LIPG: variants seen among roughly 807,000 people sequenced by gnomAD.
The protein encoded by LIPG is endothelial lipase.
LIPG carries 34 observed loss-of-function variants against 51.8 expected under a neutral mutation model. That is an observed-to-expected ratio of 0.66 (90% CI 0.50 to 0.87). LIPG has a LOEUF of 0.87. Among genes scored for constraint, LIPG ranks in the 40% least tolerant of loss-of-function variants. LIPG has a pLI of 0.00. For synonymous variants in LIPG, 246 were observed against 246.1 expected (o/e 1.00, Z 0.00); for missense variants, 580 against 652.7 (o/e 0.89, Z 1.21).
At chr18:49,571,177 A>C (rs2084658828) in intron 4 of LIPG, among the ~76,000 whole-genome samples, 1 of 152,204 alleles carries the variant, frequency 6.6e-6, no homozygotes, top group African/African-American at 2.4e-5. Flanking sequence ...GGTGCAAAGC[A>C]GTTTGACTGG....
In LIPG at chr18:49,575,543, A is replaced by C; in HGVS notation, c.746A>C (p.Gln249Pro). ...ATCTACCCCAATGGGGGTGACTTCC[A>C]GCCAGGCTGTGGACTCAACGATGTC... ...IDIYPNGGDF[Q>P]PGCGLNDVLG... Residue 249 changes from glutamine to proline, a missense_variant, in exon 5 of 10, where the codon CAG becomes CCG. Coordinates refer to ENST00000261292, the MANE Select transcript of LIPG (RefSeq NM_006033.4). 1 of 1,614,212 alleles carries C rather than the reference A, an allele frequency of 6.2e-7. No individual in the cohort carries two copies. Among genetic ancestry groups the C allele is most frequent in the Non-Finnish European group, 8.5e-7 (1 of 1,180,044 alleles).
intron 5 of LIPG, among the ~76,000 whole-genome samples, chr18:49,578,079 C>T (rs1393982953): frequency 8.3e-5 from 12 of 144,734 alleles, no homozygotes; most frequent in Non-Finnish European, 1.5e-4. Flanking sequence ...GGCTGGCCCC[C>T]CACCTCCCTC....
At chr18:49,565,584 AGATTC>A (rs2084597010) in intron 2 of LIPG, 86 bp downstream of exon 2, 15 of 1,478,436 alleles carry the variant, frequency 1.0e-5, no homozygotes, top group Non-Finnish European at 1.3e-5. Flanking sequence ...TGGTGTTTCC[AGATTC>A]CAAACCCTCT....
At chr18:49,584,026 G>C (rs560250956) in intron 8 of LIPG, among the ~76,000 whole-genome samples, 1 of 152,292 alleles carries the variant, frequency 6.6e-6, no homozygotes, top group East Asian at 1.9e-4. Flanking sequence ...TTCAGCCCTG[G>C]CTCTGTTTGC....
intron 4 of LIPG, among the ~76,000 whole-genome samples, chr18:49,573,062 A>G (rs2084680018): frequency 6.6e-6 from 1 of 152,222 alleles, no homozygotes; most frequent in South Asian, 2.1e-4. Context: ...GTGAAGGCCC[A>G]GCCTTGCCTG....
At chr18:49,583,470 GTTGTTAC>G in intron 7 of LIPG, 79 bp from the exon 8 acceptor site, 2 of 1,057,912 alleles carry the variant, frequency 1.9e-6, no homozygotes, top group Non-Finnish European at 2.9e-6. Context: ...TCTGTGTGGG[GTTGTTAC>G]TGCCACTGTG....
In LIPG at chr18:49,583,652, G is replaced by T. The variant is rs1245534374; in HGVS notation, c.1254G>T (p.Gly418=). The T allele has an allele frequency of 3.1e-6, 5 of 1,614,122 alleles. No homozygotes were observed. The Admixed American group carries it at 8.3e-5, about 27-fold the overall frequency. ...DLLKIQLTWE[G]ASQSWYNLWK... ...TGAAGATCCAGCTCACCTGGGAGGG[G>T]GCCTCTCAGTCTTGGTACAACCTGT... The change falls in exon 8 of 10, where the codon GGG becomes GGT. Residue 418 remains glycine, a synonymous_variant. Coordinates refer to ENST00000261292, the MANE Select transcript of LIPG (RefSeq NM_006033.4).
chr18:49,590,767 C>T lies in LIPG; in HGVS notation c.*245C>T. 1 of 587,288 alleles carries T rather than the reference C, an allele frequency of 1.7e-6. No individual in the cohort carries two copies. 36.4% of individuals were successfully genotyped at this position (587,288 alleles called of 1,614,324 possible). On this transcript the variant is annotated 3_prime_UTR_variant, in exon 10 of 10. Transcript: ENST00000261292. ...CAAACCTCTGTCCACACCTCCAGAG[C>T]ACCAAGTCCAGATTTGTGTGTAAGC...
chr18:49,565,148 T>C (rs1866049723), intron 1 of LIPG, among the ~76,000 whole-genome samples, 169 bp from the exon 2 acceptor site: 4 of 152,232 alleles, frequency 2.6e-5, no homozygotes, highest in Admixed American at 2.6e-4. Context: ...TCCTTTTTTA[T>C]AAAATGTTCA....
At chr18:49,575,230 A>G in intron 4 of LIPG, 139 bp from the exon 5 acceptor site, 3 of 651,762 alleles carry the variant, frequency 4.6e-6, no homozygotes, top group Non-Finnish European at 8.0e-6. Context: ...ATTTTCTTCC[A>G]TGCTTTCCAT....
At chr18:49,583,488 T>G in intron 7 of LIPG, 68 bp from the exon 8 acceptor site, 3 of 1,331,446 alleles carry the variant, frequency 2.3e-6, no homozygotes, top group Non-Finnish European at 3.2e-6. Flanking sequence ...TGCCACTGTG[T>G]CACCCCACAC....
chr18:49,588,767 C>A (rs1256648600), intron 9 of LIPG, among the ~76,000 whole-genome samples: 2 of 152,146 alleles, frequency 1.3e-5, no homozygotes, highest in East Asian at 3.9e-4. Context: ...TCCTGGGGAA[C>A]AGCCACACGC....
chr18:49,572,797 G>C (rs563254206), intron 4 of LIPG, among the ~76,000 whole-genome samples: 38 of 151,932 alleles, frequency 2.5e-4, no homozygotes, highest in African/African-American at 8.9e-4. Flanking sequence ...GGGCCAGAAT[G>C]CACAGCCCTG....
chr18:49,572,251 C>T (rs747463605), intron 4 of LIPG, among the ~76,000 whole-genome samples: 3 of 152,070 alleles, frequency 2.0e-5, no homozygotes, highest in Non-Finnish European at 2.9e-5. Context: ...ACCCAGGATG[C>T]GGAGGTTGCA....
chr18:49,574,164 G>C (rs1258823141), intron 4 of LIPG, among the ~76,000 whole-genome samples: 1 of 152,222 alleles, frequency 6.6e-6, no homozygotes, highest in African/African-American at 2.4e-5. Context: ...GTGGGGCAAA[G>C]AGCTGTTCTG....
Position 49,567,590 on chromosome 18 carries a change from A to G in LIPG, c.428A>G (p.His143Arg). 6.2e-7 allele frequency: 1 copy of G among 1,614,108 alleles called. No individual in the cohort carries two copies. The highest frequency in any genetic ancestry group is 8.5e-7 in the Non-Finnish European group (1 of 1,180,032). The change falls in exon 3 of 10, where the codon CAC becomes CGC. Residue 143 changes from histidine to arginine, a missense_variant. By Grantham distance (29) the His-to-Arg change is conservative. Transcript: ENST00000261292. ...GTCAATAATACCAGGGTGGTGGGAC[A>G]CAGCATTGCCAGGATGCTCGACTGG... Reference protein sequence around the residue: ...DAVNNTRVVGHSIARMLDWLQ... With the variant: ...DAVNNTRVVGRSIARMLDWLQ...
Position 49,596,752 on chromosome 18 carries a change from C to T in LIPG, c.*6230C>T, listed in dbSNP as rs12604221. The T allele has an allele frequency of 0.12, 18,532 of 152,702 alleles. 1,322 individuals carry two copies. Among genetic ancestry groups the T allele is most frequent in the East Asian group, 0.22 (1,124 of 5,220 alleles). 9.5% of individuals were successfully genotyped at this position (152,702 alleles called of 1,614,324 possible). A position where few individuals can be genotyped will look rare whatever the true frequency, so the allele number is the denominator to read the frequency against. On this transcript the variant is annotated 3_prime_UTR_variant, in exon 10 of 10. Coordinates refer to ENST00000261292, the MANE Select transcript of LIPG (RefSeq NM_006033.4). ...ATTAGATCCACATTTCTTTTCTGTC[C>T]GCCCTGGTCCCCTGGTGCCCCCTTT...
At chr18:49,590,206 TG>T in intron 9 of LIPG, 1 of 495,894 alleles carries the variant, frequency 2.0e-6, no homozygotes, top group Non-Finnish European at 3.8e-6. Flanking sequence ...TGTGTGTGTG[TG>T]TATGTTGTGG....
chr18:49,578,239 G>A (rs1342852274), intron 5 of LIPG, among the ~76,000 whole-genome samples: 24 of 144,924 alleles, frequency 1.7e-4, no homozygotes, highest in Non-Finnish European at 3.3e-4. Context: ...GGCGGCTGCC[G>A]GGCGGAGGGG....
Sources: allele counts gnomAD v4.1 joint callset (sites outside exome capture counted in the v4.1 genomes callset), GRCh38; gene constraint gnomAD v4.1.1; transcripts MANE v1.5; gene names NCBI Gene and HGNC (gene_info 2026-07-23, HGNC 2026-07-21).